The following NFIB variants were observed in gnomAD, a reference collection of about 807,000 sequenced individuals.
The protein encoded by NFIB is nuclear factor I B.
A neutral mutation model predicts 61.5 loss-of-function variants in NFIB; 11 were observed. The observed-to-expected ratio is 0.18, with a 90% CI of 0.11 to 0.30. The LOEUF (loss-of-function observed/expected upper bound fraction) is 0.30, where lower values mean the gene tolerates loss of function less well. Ranked by LOEUF, NFIB falls within the 10% of genes least tolerant of loss-of-function variation. NFIB has a pLI of 1.00. For missense variants in NFIB, 471 were observed against 608.9 expected (o/e 0.77, Z 2.38); for synonymous variants, 260 against 216.5 (o/e 1.20, Z -1.76).
intron 2 of NFIB, among the ~76,000 whole-genome samples, chr9:14,258,121 C>A (rs1053047365): frequency 6.6e-6 from 1 of 152,166 alleles, no homozygotes; most frequent in African/African-American, 2.4e-5. Context: ...CGTATTAGAA[C>A]ATGAATTTAA....
intron 6 of NFIB, among the ~76,000 whole-genome samples, chr9:14,137,036 T>G (rs139735922): frequency 3.9e-5 from 6 of 152,298 alleles, no homozygotes; most frequent in African/African-American, 1.2e-4. Flanking sequence ...TCATGTGAAA[T>G]TCATCAGTAA....
At chr9:14,124,576 A>C (rs1382526908) in intron 7 of NFIB, among the ~76,000 whole-genome samples, 1 of 152,214 alleles carries the variant, frequency 6.6e-6, no homozygotes. Flanking sequence ...CAGAAGGATG[A>C]GGAAGTGCCT....
At chr9:14,521,113 G>C in the NFIB span, among the ~76,000 whole-genome samples, 3 of 152,210 alleles carry the variant, frequency 2.0e-5, no homozygotes, top group African/African-American at 7.2e-5. Context: ...TTGACAGGAA[G>C]AGTGGCTTTA....
chr9:14,413,138 A>C, the NFIB span, among the ~76,000 whole-genome samples: 1 of 152,144 alleles, frequency 6.6e-6, no homozygotes, highest in Non-Finnish European at 1.5e-5. Flanking sequence ...ATTTGTAATG[A>C]AACTTATGAG....
intron 2 of NFIB, among the ~76,000 whole-genome samples, chr9:14,304,478 C>G (rs2059917558): frequency 6.6e-6 from 1 of 152,166 alleles, no homozygotes; most frequent in Admixed American, 6.5e-5. Flanking sequence ...CACAGGCATC[C>G]TGAGCTAAAC....
At chr9:14,397,293 AAAC>A (rs1564057706) in intron 1 of NFIB, among the ~76,000 whole-genome samples, 1 of 152,238 alleles carries the variant, frequency 6.6e-6, no homozygotes, top group Non-Finnish European at 1.5e-5. Flanking sequence ...AAAAACAAGC[AAAC>A]AACTGTGTTT....
At chr9:14,203,842 T>C (rs748257449) in intron 2 of NFIB, among the ~76,000 whole-genome samples, 1 of 152,202 alleles carries the variant, frequency 6.6e-6, no homozygotes, top group Non-Finnish European at 1.5e-5. Context: ...AGGGGTCTTT[T>C]ACGAAATTCT....
chr9:14,325,481 A>G (rs2060741936), intron 1 of NFIB, among the ~76,000 whole-genome samples: 1 of 152,168 alleles, frequency 6.6e-6, no homozygotes, highest in Non-Finnish European at 1.5e-5. Flanking sequence ...TTTGAGAATA[A>G]TCACTATATA....
At chr9:14,505,797 T>C in the NFIB span, among the ~76,000 whole-genome samples, 3 of 152,142 alleles carry the variant, frequency 2.0e-5, no homozygotes, top group East Asian at 3.9e-4. Context: ...GTGGGAATTC[T>C]TCAAGGGCTT....
intron 10 of NFIB, among the ~76,000 whole-genome samples, chr9:14,090,187 A>G (rs1175564890): frequency 6.6e-6 from 1 of 152,166 alleles, no homozygotes. Flanking sequence ...AATTAGATCT[A>G]CTTAGCATTA....
chr9:14,356,158 G>A (rs896902577), intron 1 of NFIB, among the ~76,000 whole-genome samples: 12 of 152,244 alleles, frequency 7.9e-5, no homozygotes, highest in African/African-American at 2.6e-4. Flanking sequence ...CTGGGGCAGC[G>A]TGAGACACTA....
intron 2 of NFIB, among the ~76,000 whole-genome samples, chr9:14,217,849 A>G (rs1312746145): frequency 6.6e-6 from 1 of 152,128 alleles, no homozygotes; most frequent in South Asian, 2.1e-4. Flanking sequence ...ACATGAGAAC[A>G]CTTACAAAAA....
chr9:14,446,112 C>T, the NFIB span, among the ~76,000 whole-genome samples: 5 of 152,142 alleles, frequency 3.3e-5, no homozygotes, highest in South Asian at 4.1e-4. Flanking sequence ...GATGCTCACC[C>T]GAAGAACGTG....
intron 6 of NFIB, among the ~76,000 whole-genome samples, chr9:14,131,618 C>T (rs980531166): frequency 6.6e-5 from 10 of 152,206 alleles, no homozygotes; most frequent in Non-Finnish European, 1.3e-4. Flanking sequence ...TTGATCAATT[C>T]TAATGTGATA....
the NFIB span, among the ~76,000 whole-genome samples, chr9:14,486,567 T>C: frequency 2.0e-5 from 3 of 152,282 alleles, no homozygotes; most frequent in Non-Finnish European, 4.4e-5. Context: ...GGAAGAGCTG[T>C]TGTTACACCT....
chr9:14,442,918 C>T, the NFIB span, among the ~76,000 whole-genome samples: 1 of 151,982 alleles, frequency 6.6e-6, no homozygotes, highest in Non-Finnish European at 1.5e-5. Flanking sequence ...TTGCAGTCTG[C>T]GGAAGGCTAT....
At chr9:14,380,058 CT>C (rs1360250686) in intron 1 of NFIB, among the ~76,000 whole-genome samples, 1 of 152,066 alleles carries the variant, frequency 6.6e-6, no homozygotes, top group African/African-American at 2.4e-5. Context: ...ATATTTCTGG[CT>C]TCTGCCATTA....
chr9:14,093,202 A>C (rs2118609159), intron 10 of NFIB, among the ~76,000 whole-genome samples: 1 of 152,220 alleles, frequency 6.6e-6, no homozygotes, highest in Non-Finnish European at 1.5e-5. Context: ...TAAGAATGGC[A>C]AAAATCATTT....
chr9:14,473,916 T>G, the NFIB span, among the ~76,000 whole-genome samples: 17 of 152,172 alleles, frequency 1.1e-4, no homozygotes, highest in Admixed American at 1.1e-3. Context: ...CATCACCTCC[T>G]AAGTATTGAC....
Sources: allele counts gnomAD v4.1 joint callset (sites outside exome capture counted in the v4.1 genomes callset), GRCh38; gene constraint gnomAD v4.1.1; transcripts MANE v1.5; gene names NCBI Gene and HGNC (gene_info 2026-07-23, HGNC 2026-07-21).